The following DDAH1 variants were observed in gnomAD, a reference collection of about 807,000 sequenced individuals.
The protein encoded by DDAH1 is N(G),N(G)-dimethylarginine dimethylaminohydrolase 1.
Under a neutral mutation model 28.8 loss-of-function variants are expected in DDAH1, and 19 were observed. That is an observed-to-expected ratio of 0.66 (90% CI 0.46 to 0.97). DDAH1 has a LOEUF of 0.97. Among genes scored for constraint, DDAH1 ranks in the 50% least tolerant of loss-of-function variants. DDAH1 has a pLI of 0.00. For missense variants in DDAH1, 326 were observed against 375.9 expected (o/e 0.87, Z 1.10); for synonymous variants, 153 against 154.4 (o/e 0.99, Z 0.07).
At chr1:85,499,061 CTCAACAT>C (rs1241493899) in intron 1 of DDAH1, among the ~76,000 whole-genome samples, 1 of 151,670 alleles carries the variant, frequency 6.6e-6, no homozygotes, top group East Asian at 1.9e-4. Context: ...TAGCTGTAAC[CTCAACAT>C]CGAACAAAAC....
At chr1:85,453,447 ACT>A (rs1359617101) in intron 1 of DDAH1, among the ~76,000 whole-genome samples, 2 of 152,142 alleles carry the variant, frequency 1.3e-5, no homozygotes, top group African/African-American at 4.8e-5. Context: ...ACAGCCACAC[ACT>A]GTTTGCCTCT....
chr1:85,546,527 C>G (rs1447491296), intron 1 of DDAH1, among the ~76,000 whole-genome samples: 2 of 152,098 alleles, frequency 1.3e-5, no homozygotes, highest in Non-Finnish European at 2.9e-5. Context: ...CTGTCAGATT[C>G]AAGGCAGATC....
rs532294595 is a variant in DDAH1 at position 85,481,356 on chromosome 1, C to T, written c.-7+14810G>A. ...CAGGTGATCCGCCTGCCTCAGCCTCCCACAGTGTTGGGACTACAGATGTGA... is the reference window on the plus strand; with the variant it reads ...CAGGTGATCCGCCTGCCTCAGCCTCTCACAGTGTTGGGACTACAGATGTGA... On this transcript the variant is annotated intron_variant, in intron 2 of 6. Transcript: ENST00000426972. Among the ~76,000 whole-genome samples the T allele has an allele frequency of 2.9e-4, 44 of 152,196 alleles. No individual in the cohort carries two copies. In the Middle Eastern group the frequency reaches 0.01, roughly 35 times the overall value.
intron 1 of DDAH1, among the ~76,000 whole-genome samples, chr1:85,458,424 CTTTTTT>C (rs3058826): frequency 9.8e-6 from 1 of 101,760 alleles, no homozygotes; most frequent in African/African-American, 3.9e-5. Context: ...TACACACACA[CTTTTTT>C]TTTTTTTTTT....
intron 2 of DDAH1, among the ~76,000 whole-genome samples, chr1:85,480,087 A>G (rs1655957311): frequency 6.6e-6 from 1 of 152,186 alleles, no homozygotes; most frequent in Non-Finnish European, 1.5e-5. Context: ...GGGAGAAGTA[A>G]CCCACTGTGG....
chr1:85,568,440 C>T (rs112209996), intron 1 of DDAH1, among the ~76,000 whole-genome samples: 489 of 152,280 alleles, frequency 3.2e-3, no homozygotes, highest in Non-Finnish European at 4.5e-3. Context: ...ACTGTGCCCA[C>T]TGCCTAGGGA....
intron 2 of DDAH1, among the ~76,000 whole-genome samples, chr1:85,491,014 C>T (rs115978630): frequency 0.019 from 2,824 of 150,918 alleles, 83 homozygotes; most frequent in African/African-American, 0.065. Flanking sequence ...AATACACTTC[C>T]CTCTCTTCTA....
chr1:85,347,080 C>A (rs1418708122), intron 4 of DDAH1, among the ~76,000 whole-genome samples: 3 of 152,050 alleles, frequency 2.0e-5, no homozygotes, highest in African/African-American at 7.2e-5. Flanking sequence ...CATCTCACAC[C>A]AGTTAGAATG....
intron 1 of DDAH1, among the ~76,000 whole-genome samples, chr1:85,511,358 G>C (rs1257138828): frequency 7.2e-5 from 11 of 152,194 alleles, no homozygotes; most frequent in Non-Finnish European, 1.5e-4. Context: ...GCAGTGTGTA[G>C]AGGGAAATTT....
chr1:85,464,573 T>C lies in DDAH1; in HGVS notation c.303+170A>G. The C allele has an allele frequency of 1.3e-6, 2 of 1,519,698 alleles. No homozygotes were observed. The highest frequency in any genetic ancestry group is 2.4e-5 in the South Asian group (2 of 82,374). The allele number at this position is 1,519,698 out of a possible 1,614,324, so 94.1% of individuals were successfully genotyped here. A position where few individuals can be genotyped will look rare whatever the true frequency, so the allele number is the denominator to read the frequency against. Reference sequence around the variant, plus strand: ...CAGCCGGGAGGTGTGAACAATGAACTTCTCTCTGACTCTCTGACACACACA... The same window carrying C: ...CAGCCGGGAGGTGTGAACAATGAACCTCTCTCTGACTCTCTGACACACACA... On this transcript the variant is annotated intron_variant, in intron 1 of 5. Coordinates refer to ENST00000284031, the MANE Select transcript of DDAH1 (RefSeq NM_012137.4). The surrounding 1 kb of genome is among the most constrained non-coding windows in gnomAD (Gnocchi z 4.4).
At position 85,321,450 on chromosome 1, in the gene DDAH1, G is replaced by C; in HGVS notation, c.*2C>G. The C allele has an allele frequency of 6.2e-7, 1 of 1,607,972 alleles. No homozygotes were observed. The highest frequency in any genetic ancestry group is 1.3e-5 in the African/African-American group (1 of 74,914). On this transcript the variant is annotated 3_prime_UTR_variant, in exon 6 of 6. Transcript: ENST00000284031. Reference sequence around the variant, plus strand: ...GCCGGCTACCGGGGGGGACTCTGCAGCTCAGGAGTCTACTTTCTTGTTAAT... The same window carrying C: ...GCCGGCTACCGGGGGGGACTCTGCACCTCAGGAGTCTACTTTCTTGTTAAT...
chr1:85,426,500 C>G (rs1459145683), intron 1 of DDAH1, among the ~76,000 whole-genome samples: 2 of 152,172 alleles, frequency 1.3e-5, no homozygotes, highest in African/African-American at 2.4e-5. Context: ...TTGAGCAGTT[C>G]TGAAATACTT....
chr1:85,577,771 T>G lies in DDAH1; in HGVS notation c.-123+213A>C, dbSNP rs560541732. 3.4e-4 allele frequency among the ~76,000 whole-genome samples: 51 copies of G among 151,846 alleles called. No homozygotes were observed. In the South Asian group the frequency reaches 0.01, roughly 31 times the overall value. On this transcript the variant is annotated intron_variant, in intron 1 of 6. Transcript: ENST00000426972. ...AGCCCTTCATTAGGTAACCTAAAAT[T>G]CCCTGGCAGCAGCGGTTGAGAGACG...
At chr1:85,551,905 G>A (rs1658804058) in intron 1 of DDAH1, among the ~76,000 whole-genome samples, 1 of 152,150 alleles carries the variant, frequency 6.6e-6, no homozygotes, top group African/African-American at 2.4e-5. Context: ...TTAGAGGATT[G>A]GGGAAGAAAC....
intron 4 of DDAH1, among the ~76,000 whole-genome samples, chr1:85,338,557 ACTCCAGACGCAGCCAGTG>A (rs1648273900): frequency 6.6e-6 from 1 of 152,130 alleles, no homozygotes; most frequent in South Asian, 2.1e-4. Context: ...CATCTGGTGA[ACTCCAGACGCAGCCAGTG>A]TTCTCACAGC....
chr1:85,462,380 G>C (rs956135660), intron 1 of DDAH1, among the ~76,000 whole-genome samples: 1 of 152,110 alleles, frequency 6.6e-6, no homozygotes, highest in African/African-American at 2.4e-5. Context: ...GAAGGGACAG[G>C]ATCAGATCTG....
chr1:85,428,676 A>T (rs1165364964), intron 1 of DDAH1, among the ~76,000 whole-genome samples: 1 of 152,164 alleles, frequency 6.6e-6, no homozygotes, highest in Non-Finnish European at 1.5e-5. Flanking sequence ...AACTTCCTGC[A>T]GCAAAGACTC....
In DDAH1 at chr1:85,420,337, A is replaced by G. The variant is rs147252758; in HGVS notation, c.303+44406T>C. On this transcript the variant is annotated intron_variant, in intron 1 of 5. Coordinates refer to ENST00000284031, the MANE Select transcript of DDAH1 (RefSeq NM_012137.4). ...CTCAGCAGCCACATGGCCAGGTTGC[A>G]AATTTTCCAAACTCTTACTCTCTGC... 6.3e-3 allele frequency among the ~76,000 whole-genome samples: 964 copies of G among 152,350 alleles called. 7 individuals carry two copies. The highest frequency in any genetic ancestry group is 9.6e-3 in the Non-Finnish European group (650 of 68,020).
intron 1 of DDAH1, among the ~76,000 whole-genome samples, chr1:85,557,307 C>G (rs1299329823): frequency 6.6e-6 from 1 of 152,150 alleles, no homozygotes; most frequent in East Asian, 1.9e-4. Context: ...AACAGCTAAT[C>G]TTTATTGAGC....
Sources: gnomAD v4.1 joint callset for allele counts (sites outside exome capture counted in the v4.1 genomes callset) on GRCh38, gnomAD v4.1.1 for gene constraint, Gnocchi (gnomAD v3.1) non-coding constraint, MANE v1.5 for transcripts, NCBI Gene and HGNC (gene_info 2026-07-23, HGNC 2026-07-21) for gene names.